Variants in SOAT1 observed in about 807,000 individuals in gnomAD.
SOAT1 encodes the protein sterol O-acyltransferase 1.
In SOAT1, 55 loss-of-function variants were observed where a neutral mutation model predicts 69.5. The ratio of observed to expected loss-of-function variants is 0.79; its 90% CI spans 0.64 to 0.99. SOAT1 has a LOEUF of 0.99. SOAT1 is among the 50% of genes least tolerant of loss of function. The pLI, the probability that SOAT1 is intolerant of heterozygous loss-of-function variation, is 0.00. For missense variants in SOAT1, 580 were observed against 669.3 expected (o/e 0.87, Z 1.47); for synonymous variants, 231 against 224.7 (o/e 1.03, Z -0.25).
Position 179,348,830 on chromosome 1 carries a change from A to G in SOAT1, c.1216-14A>G. ...TGTGTGTGTGTAGTTTTATACCTTT[A>G]CTTTTTCCCTCAGGATTGGTGGAAC... On this transcript the variant is annotated splice_polypyrimidine_tract_variant and intron_variant, in intron 12 of 15. Transcript: ENST00000367619. The G allele has an allele frequency of 7.5e-7, 1 of 1,331,222 alleles. No individual in the cohort carries two copies. The highest frequency in any genetic ancestry group is 2.3e-5 in the East Asian group (1 of 43,318). The allele number at this position is 1,331,222 out of a possible 1,614,324, so 82.5% of individuals were successfully genotyped here.
chr1:179,301,827 A>G (rs1664839850), intron 1 of SOAT1, among the ~76,000 whole-genome samples: 1 of 152,124 alleles, frequency 6.6e-6, no homozygotes. Context: ...TCCTTGTTTT[A>G]ATCCTTTCTT....
intron 3 of SOAT1, among the ~76,000 whole-genome samples, chr1:179,325,404 G>A (rs895995387): frequency 3.9e-5 from 6 of 152,022 alleles, no homozygotes; most frequent in East Asian, 1.9e-4. Flanking sequence ...TGCCCGCCTC[G>A]GCCTCCCAAA....
At chr1:179,300,850 C>T (rs560190367) in intron 1 of SOAT1, among the ~76,000 whole-genome samples, 213 of 152,190 alleles carry the variant, frequency 1.4e-3, no homozygotes, top group Middle Eastern at 6.8e-3. Context: ...AATCCCAGCA[C>T]TTTGGGAGGC....
chr1:179,338,315 A>G (rs1666225089), intron 5 of SOAT1, among the ~76,000 whole-genome samples: 1 of 152,160 alleles, frequency 6.6e-6, no homozygotes, highest in Non-Finnish European at 1.5e-5. Context: ...TTGAGCCCGG[A>G]AGGGTGGAGG....
At chr1:179,296,565 C>G (rs547909874) in intron 1 of SOAT1, among the ~76,000 whole-genome samples, 2 of 152,224 alleles carry the variant, frequency 1.3e-5, no homozygotes, top group African/African-American at 2.4e-5. Flanking sequence ...TGTTCTTGTT[C>G]TTTAGTTTTG....
intron 11 of SOAT1, among the ~76,000 whole-genome samples, chr1:179,345,617 A>C (rs1260722592): frequency 6.6e-6 from 1 of 151,340 alleles, no homozygotes; most frequent in Non-Finnish European, 1.5e-5. Flanking sequence ...GTCTGAATGC[A>C]GTGGTGTCAT....
At chr1:179,312,593 G>T (rs7543894) in intron 2 of SOAT1, among the ~76,000 whole-genome samples, 1 of 151,962 alleles carries the variant, frequency 6.6e-6, no homozygotes. Flanking sequence ...GGAGACTGAC[G>T]TTAAGAACTG....
Position 179,348,760 on chromosome 1 carries a change from ATGTGTGTGTGTGTGTG to A in SOAT1, c.1216-44_1216-29del, listed in dbSNP as rs71111912. ...TCAGGGGGGTTTGCTTTCGGGTGGG[ATGTGTGTGTGTGTGTG>A]TGTGTGTGTGTGTGTGTGTGTGTGT... is the stretch of plus-strand genomic sequence containing the variant. On this transcript the variant is annotated intron_variant, in intron 12 of 15. Transcript: ENST00000367619. 2.5e-3 allele frequency: 1,469 copies of A among 592,952 alleles called. 6 individuals are homozygous for A. Among genetic ancestry groups the A allele is most frequent in the African/African-American group, 4.3e-3 (211 of 48,852 alleles). 36.7% of individuals were successfully genotyped at this position (592,952 alleles called of 1,614,324 possible). A position where few individuals can be genotyped will look rare whatever the true frequency, so the allele number is the denominator to read the frequency against.
At chr1:179,351,168 C>T (rs1306072583) in intron 14 of SOAT1, 149 bp from the exon 15 acceptor site, 7 of 613,382 alleles carry the variant, frequency 1.1e-5, no homozygotes, top group African/African-American at 3.7e-5. Flanking sequence ...CTCAGCCTCC[C>T]GAGTGGCTGG....
At position 179,357,930 on chromosome 1, in the gene SOAT1, C is replaced by T. The variant is rs1484163489; in HGVS notation, c.*4289C>T. On this transcript the variant is annotated 3_prime_UTR_variant, in exon 16 of 16. Coordinates refer to ENST00000367619, the MANE Select transcript of SOAT1 (RefSeq NM_003101.6). ...GAGCCATGGGCAACAGAGCGAGACCCTGTCTCAAAAAAAAAATTACATATA... is the reference window on the plus strand; with the variant it reads ...GAGCCATGGGCAACAGAGCGAGACCTTGTCTCAAAAAAAAAATTACATATA... The T allele has an allele frequency of 6.9e-6, 1 of 145,406 alleles. No homozygotes were observed. Among genetic ancestry groups the T allele is most frequent in the African/African-American group, 2.4e-5 (1 of 41,092 alleles). The allele number at this position is 145,406 out of a possible 1,614,324, so 9.0% of individuals were successfully genotyped here.
At chr1:179,301,479 G>A (rs1047342709) in intron 1 of SOAT1, among the ~76,000 whole-genome samples, 13 of 152,022 alleles carry the variant, frequency 8.6e-5, no homozygotes, top group Non-Finnish European at 1.8e-4. Flanking sequence ...AGTTCCAATC[G>A]GGCTCTGTCG....
intron 3 of SOAT1, among the ~76,000 whole-genome samples, chr1:179,327,922 A>AT (rs1665845399): frequency 6.6e-6 from 1 of 152,152 alleles, no homozygotes; most frequent in South Asian, 2.1e-4. Flanking sequence ...TTCAGTATGT[A>AT]TTTTTTATCT....
chr1:179,344,856 G>T, intron 10 of SOAT1, 91 bp from the exon 11 acceptor site: 2 of 1,196,152 alleles, frequency 1.7e-6, no homozygotes, highest in Non-Finnish European at 2.5e-6. Context: ...TACTGTAAGG[G>T]TCACATCTGT....
chr1:179,317,723 T>A (rs1055026075), intron 2 of SOAT1, among the ~76,000 whole-genome samples: 6 of 151,944 alleles, frequency 3.9e-5, no homozygotes, highest in African/African-American at 1.4e-4. Flanking sequence ...TTCCATTCTG[T>A]TTCATTCACT....
intron 3 of SOAT1, among the ~76,000 whole-genome samples, chr1:179,334,293 G>C (rs1368251276): frequency 6.6e-6 from 1 of 152,116 alleles, no homozygotes; most frequent in Non-Finnish European, 1.5e-5. Flanking sequence ...AGTTATATTA[G>C]AGTAGAATAT....
chr1:179,340,504 T>A (rs1666295788), intron 6 of SOAT1, among the ~76,000 whole-genome samples: 1 of 152,116 alleles, frequency 6.6e-6, no homozygotes, highest in Admixed American at 6.6e-5. Flanking sequence ...AAAACTCAAA[T>A]TGTAGCTTAA....
Position 179,347,824 on chromosome 1 carries a change from C to G in SOAT1, c.1215+127C>G, listed in dbSNP as rs565728387. The G allele has an allele frequency of 1.1e-3, 625 of 590,786 alleles. 5 individuals are homozygous for G. The highest frequency in any genetic ancestry group is 7.9e-3 in the South Asian group (350 of 44,320). The allele number at this position is 590,786 out of a possible 1,614,324, so 36.6% of individuals were successfully genotyped here. ...CATTGTGAAATAATTTTCTTTTCTACAAGTTTTGCCAGTATTTTCTGAAAT... is the reference window on the plus strand; with the variant it reads ...CATTGTGAAATAATTTTCTTTTCTAGAAGTTTTGCCAGTATTTTCTGAAAT... On this transcript the variant is annotated intron_variant, in intron 12 of 15. Coordinates refer to ENST00000367619, the MANE Select transcript of SOAT1 (RefSeq NM_003101.6).
chr1:179,299,745 CTTTTTTTTTT>C (rs1162260815), intron 1 of SOAT1, among the ~76,000 whole-genome samples: 4 of 69,548 alleles, frequency 5.8e-5, no homozygotes, highest in East Asian at 4.8e-4. Context: ...ATTTTGCTAT[CTTTTTTTTTT>C]TTTTTTTTTT....
Position 179,317,784 on chromosome 1 carries a change from A to G in SOAT1, c.119-5653A>G, listed in dbSNP as rs1178743691. On this transcript the variant is annotated intron_variant, in intron 2 of 15. Transcript: ENST00000367619. ...TGACGTCTGATGTTTCTCGGTTCCC[A>G]TAATATAACAGATGACTTGACACTT... 3.3e-5 allele frequency among the ~76,000 whole-genome samples: 5 copies of G among 151,926 alleles called. No homozygotes were observed. The East Asian group carries it at 9.7e-4, about 29-fold the overall frequency.
Sources: gnomAD v4.1 joint callset for allele counts (sites outside exome capture counted in the v4.1 genomes callset) on GRCh38, gnomAD v4.1.1 for gene constraint, MANE v1.5 for transcripts, NCBI Gene and HGNC (gene_info 2026-07-23, HGNC 2026-07-21) for gene names.